Variants in COL6A5 observed in about 807,000 individuals in gnomAD.
COL6A5 encodes the protein collagen alpha-5(VI) chain.
In COL6A5, 48 loss-of-function variants were observed where a neutral mutation model predicts 65.6. That is an observed-to-expected ratio of 0.73 (90% CI 0.58 to 0.93). The LOEUF (loss-of-function observed/expected upper bound fraction) is 0.93. Among genes scored for constraint, COL6A5 ranks in the 40% least tolerant of loss-of-function variants. COL6A5 has a pLI of 0.00. For synonymous variants in COL6A5, 291 were observed against 322.8 expected, an observed-to-expected ratio of 0.90 and a Z score of 1.05; for missense variants, 914 against 928.3, an observed-to-expected ratio of 0.98 and a Z score of 0.20.
At chr3:130,418,457 A>G (rs1402962595) in intron 24 of COL6A5, among the ~76,000 whole-genome samples, 2 of 152,104 alleles carry the variant, frequency 1.3e-5, no homozygotes, top group East Asian at 3.9e-4. Flanking sequence ...TAGCACCCTG[A>G]ACCTTATCTC....
At chr3:130,379,530 C>A in exon 4 of COL6A5, 1 of 1,551,420 alleles carries the variant, frequency 6.4e-7, no homozygotes. Context: ...TCCTTGAGAA[C>A]ATTACCAGCT....
intron 5 of COL6A5, 38 bp downstream of exon 5, chr3:130,385,402 A>C: frequency 6.6e-7 from 1 of 1,525,844 alleles, no homozygotes; most frequent in Non-Finnish European, 8.8e-7. Context: ...TCCACATTTC[A>C]TCAATTGCTT....
exon 3 of COL6A5, chr3:130,376,367 A>G: frequency 2.5e-6 from 4 of 1,613,716 alleles, no homozygotes; most frequent in Non-Finnish European, 3.4e-6. Context: ...AGGCCAACAA[A>G]TACCGTGTAG....
chr3:130,374,969 CTG>C (rs1935711924), intron 2 of COL6A5, among the ~76,000 whole-genome samples: 1 of 152,190 alleles, frequency 6.6e-6, no homozygotes, highest in Non-Finnish European at 1.5e-5. Context: ...GTATTTTAAA[CTG>C]TGCATTGTCA....
At chr3:130,415,138 T>C (rs1261245010) in intron 22 of COL6A5, among the ~76,000 whole-genome samples, 1 of 152,122 alleles carries the variant, frequency 6.6e-6, no homozygotes, top group African/African-American at 2.4e-5. Context: ...CTGCCACCTC[T>C]AGTTTTTGCT....
At chr3:130,421,467 A>T in intron 27 of COL6A5, 107 bp downstream of exon 27, 1 of 1,062,940 alleles carries the variant, frequency 9.4e-7, no homozygotes, top group Non-Finnish European at 1.4e-6. Context: ...GGAGAAACCA[A>T]GGACAGTTGT....
chr3:130,402,993 C>T (rs772685239), intron 12 of COL6A5, among the ~76,000 whole-genome samples: 5 of 152,210 alleles, frequency 3.3e-5, no homozygotes, highest in Non-Finnish European at 5.9e-5. Flanking sequence ...AATTTTCTCT[C>T]GATACTTTGC....
intron 17 of COL6A5, among the ~76,000 whole-genome samples, chr3:130,406,534 A>G (rs1174101477): frequency 6.6e-6 from 1 of 152,156 alleles, no homozygotes; most frequent in African/African-American, 2.4e-5. Flanking sequence ...AAAATTTAGC[A>G]CACACAAGCT....
At chr3:130,461,532 G>A (rs1709700867) in intron 5 of COL6A5, among the ~76,000 whole-genome samples, 1 of 152,062 alleles carries the variant, frequency 6.6e-6, no homozygotes, top group African/African-American at 2.4e-5. Flanking sequence ...CATGTAGCTT[G>A]TAAGTGGCAG....
At chr3:130,403,050 A>G (rs762693445) in intron 12 of COL6A5, among the ~76,000 whole-genome samples, 24 of 152,202 alleles carry the variant, frequency 1.6e-4, no homozygotes, top group Non-Finnish European at 3.1e-4. Flanking sequence ...CCCCCCTGGT[A>G]TACTGATCAG....
Position 130,405,664 on chromosome 3 carries a change from G to A in COL6A5, c.4353+5G>A, listed in dbSNP as rs1001390705. 6.5e-7 allele frequency: 1 copy of A among 1,543,354 alleles called. No homozygotes were observed. The highest frequency in any genetic ancestry group is 2.0e-5 in the Admixed American group (1 of 50,872). On this transcript the variant is annotated splice_donor_5th_base_variant and intron_variant and NMD_transcript_variant, in intron 14 of 41. Transcript: ENST00000312481. ...CCAGGGGCGTGGGGTCAGAAGGTAA[G>A]GCTCTTCTGTAAATGTTATTTCCAA...
upstream of COL6A5, chr3:130,431,399 A>G (rs1937799628): frequency 1.3e-6 from 2 of 1,523,448 alleles, no homozygotes. Flanking sequence ...TCATTGGAGT[A>G]AAGAGTTGGG....
At chr3:130,362,312 ATATATATATATATATTTT>A (rs1461706897) in intron 1 of COL6A5, among the ~76,000 whole-genome samples, 10 of 13,854 alleles carry the variant, frequency 7.2e-4, no homozygotes, top group African/African-American at 1.4e-3. Context: ...ATATATATAT[ATATATATATATATATTTT>A]TTTTTTTTTT....
intron 22 of COL6A5, among the ~76,000 whole-genome samples, chr3:130,415,231 T>C (rs1497307): frequency 0.59 from 89,785 of 151,974 alleles, 28,842 homozygotes; most frequent in Non-Finnish European, 0.73. Flanking sequence ...CTGATAGAGG[T>C]CTGCTGCTAA....
At chr3:130,464,324 G>T (rs1383064596) in intron 5 of COL6A5, among the ~76,000 whole-genome samples, 1 of 151,870 alleles carries the variant, frequency 6.6e-6, no homozygotes, top group East Asian at 1.9e-4. Flanking sequence ...CTGCAGAGAT[G>T]AGTCCACTAT....
exon 6 of COL6A5, chr3:130,469,149 G>A: frequency 1.2e-6 from 2 of 1,613,178 alleles, no homozygotes; most frequent in East Asian, 2.2e-5. Context: ...CAGCTCAATG[G>A]AGATGTTTTT....
intron 21 of COL6A5, among the ~76,000 whole-genome samples, 195 bp downstream of exon 21, chr3:130,413,775 T>G (rs1378757380): frequency 6.6e-6 from 1 of 151,724 alleles, no homozygotes; most frequent in Non-Finnish European, 1.5e-5. Context: ...AAAGCCTCCC[T>G]GATAGATACC....
intron 22 of COL6A5, among the ~76,000 whole-genome samples, chr3:130,415,291 T>G (rs1937306237): frequency 6.6e-6 from 1 of 152,144 alleles, no homozygotes; most frequent in Non-Finnish European, 1.5e-5. Flanking sequence ...ACTTTACACA[T>G]TAATAAGGGC....
chr3:130,434,019 T>C (rs1241691471), intron 1 of COL6A5, among the ~76,000 whole-genome samples: 1 of 151,948 alleles, frequency 6.6e-6, no homozygotes, highest in Non-Finnish European at 1.5e-5. Context: ...TGCCGGTTTG[T>C]TACATAGGTA....
Sources: gnomAD v4.1 joint callset for allele counts (sites outside exome capture counted in the v4.1 genomes callset) on GRCh38, gnomAD v4.1.1 for gene constraint, MANE v1.5 for transcripts, NCBI Gene and HGNC (gene_info 2026-07-23, HGNC 2026-07-21) for gene names.